FER1L6: variants seen among roughly 807,000 people sequenced by gnomAD.
FER1L6 encodes fer-1 like family member 6.
Under a neutral mutation model 219.2 loss-of-function variants are expected in FER1L6, and 177 were observed. That is an observed-to-expected ratio of 0.81 (90% CI 0.71 to 0.91). The LOEUF (loss-of-function observed/expected upper bound fraction) is 0.91, where lower values mean the gene tolerates loss of function less well. FER1L6 is among the 40% of genes least tolerant of loss of function. The pLI, the probability that FER1L6 is intolerant of heterozygous loss-of-function variation, is 0.00. For synonymous variants in FER1L6, 768 were observed against 824.3 expected (o/e 0.93, Z 1.17); for missense variants, 2,153 against 2,259.9 (o/e 0.95, Z 0.96).
intron 10 of FER1L6, among the ~76,000 whole-genome samples, chr8:123,978,177 G>A (rs1816177127): frequency 6.6e-6 from 1 of 152,198 alleles, no homozygotes; most frequent in African/African-American, 2.4e-5. Context: ...GAGGAAGTCA[G>A]TCTTCCCATA....
intron 1 of FER1L6, among the ~76,000 whole-genome samples, chr8:123,926,437 G>A (rs909391594): frequency 5.9e-5 from 9 of 152,194 alleles, no homozygotes; most frequent in African/African-American, 2.2e-4. Flanking sequence ...AGTGTGCATA[G>A]GGGAAAGGTT....
At chr8:123,980,318 A>G (rs781113572) in intron 10 of FER1L6, 147 bp from the exon 11 acceptor site, 3 of 673,866 alleles carry the variant, frequency 4.5e-6, no homozygotes, top group Non-Finnish European at 7.5e-6. Context: ...AAATATGGCA[A>G]GATGGCAATC....
chr8:123,978,015 G>T (rs927977807), intron 10 of FER1L6, among the ~76,000 whole-genome samples: 1 of 152,108 alleles, frequency 6.6e-6, no homozygotes, highest in African/African-American at 2.4e-5. Context: ...GGAGCCCCTG[G>T]GTTAGAGCAC....
At chr8:124,075,653 G>A (rs909399843) in intron 31 of FER1L6, among the ~76,000 whole-genome samples, 1 of 152,066 alleles carries the variant, frequency 6.6e-6, no homozygotes, top group Non-Finnish European at 1.5e-5. Flanking sequence ...ACTTTTATAT[G>A]ACTGTTAGCA....
chr8:123,856,692 G>T (rs1434201001), intron 1 of FER1L6, among the ~76,000 whole-genome samples: 1 of 151,766 alleles, frequency 6.6e-6, no homozygotes, highest in Non-Finnish European at 1.5e-5. Context: ...AACTGCTTCT[G>T]TCTGCTTGGA....
At chr8:123,947,209 C>G (rs1487098908) in intron 1 of FER1L6, among the ~76,000 whole-genome samples, 3 of 151,090 alleles carry the variant, frequency 2.0e-5, no homozygotes, top group Non-Finnish European at 4.4e-5. Context: ...TCACTTGAAC[C>G]TGGGAGGTGG....
chr8:124,074,320 T>A (rs1821191438), intron 31 of FER1L6, among the ~76,000 whole-genome samples: 2 of 152,170 alleles, frequency 1.3e-5, no homozygotes, highest in Non-Finnish European at 2.9e-5. Context: ...TACAGATAGA[T>A]CTCAGAGAGA....
intron 15 of FER1L6, among the ~76,000 whole-genome samples, chr8:124,017,201 A>T (rs1818239445): frequency 6.6e-6 from 1 of 152,204 alleles, no homozygotes; most frequent in East Asian, 1.9e-4. Context: ...AAAAAATGTT[A>T]CTACTCAGTC....
intron 32 of FER1L6, among the ~76,000 whole-genome samples, chr8:124,079,889 C>A (rs771816495): frequency 2.0e-5 from 3 of 152,124 alleles, no homozygotes; most frequent in Non-Finnish European, 4.4e-5. Flanking sequence ...AAAGAGTCAT[C>A]CCTGTGAAAC....
chr8:123,971,938 G>A (rs1478232594), intron 6 of FER1L6, among the ~76,000 whole-genome samples: 3 of 152,206 alleles, frequency 2.0e-5, no homozygotes, highest in Admixed American at 2.0e-4. Flanking sequence ...CCACTGGATG[G>A]ATGACTTTAA....
chr8:123,878,344 G>A (rs755500175), intron 1 of FER1L6, among the ~76,000 whole-genome samples: 72 of 152,266 alleles, frequency 4.7e-4, no homozygotes, highest in African/African-American at 1.6e-3. Flanking sequence ...AGTCAAAGTC[G>A]TAAGGAGAGG....
chr8:124,089,510 T>G (rs894121809), intron 33 of FER1L6, among the ~76,000 whole-genome samples: 9 of 152,242 alleles, frequency 5.9e-5, no homozygotes, highest in African/African-American at 2.2e-4. Flanking sequence ...ATAATTTCAA[T>G]TTGGTGTTCC....
At chr8:123,906,850 T>C (rs1812963112) in intron 1 of FER1L6, among the ~76,000 whole-genome samples, 1 of 151,994 alleles carries the variant, frequency 6.6e-6, no homozygotes, top group Non-Finnish European at 1.5e-5. Context: ...TGAAGACCTT[T>C]TAACCCCCCC....
At chr8:123,983,823 T>A (rs1816430923) in intron 11 of FER1L6, among the ~76,000 whole-genome samples, 1 of 152,252 alleles carries the variant, frequency 6.6e-6, no homozygotes, top group Non-Finnish European at 1.5e-5. Context: ...CAATAAATCT[T>A]AGTTATGCTT....
intron 21 of FER1L6, among the ~76,000 whole-genome samples, chr8:124,049,300 C>A (rs1482883827): frequency 6.6e-6 from 1 of 152,116 alleles, no homozygotes. Flanking sequence ...CCTGCCACGG[C>A]CTTCTAAAGT....
chr8:123,963,458 A>G, intron 3 of FER1L6, 60 bp downstream of exon 3: 1 of 1,586,512 alleles, frequency 6.3e-7, no homozygotes, highest in East Asian at 2.2e-5. Context: ...TGTGCCAAGC[A>G]CCTCTACAGG....
In FER1L6 at chr8:124,111,614, T is replaced by C. The variant is rs970385052; in HGVS notation, c.5290-7230T>C. On this transcript the variant is annotated intron_variant, in intron 39 of 40. Coordinates refer to ENST00000522917, the MANE Select transcript of FER1L6 (RefSeq NM_001039112.2). This position sits in a 1 kb window ranked among gnomAD's most constrained non-coding sequence, Gnocchi z 5.0. ...TTTTTATGGTTATTTCTTGATGATATGCTAAACAGGGGTGGATTCATGCCT... is the reference window on the plus strand; with the variant it reads ...TTTTTATGGTTATTTCTTGATGATACGCTAAACAGGGGTGGATTCATGCCT... 1.3e-5 allele frequency among the ~76,000 whole-genome samples: 2 copies of C among 152,206 alleles called. No homozygotes were observed. The highest frequency in any genetic ancestry group is 4.8e-5 in the African/African-American group (2 of 41,444).
intron 16 of FER1L6, among the ~76,000 whole-genome samples, chr8:124,019,949 A>G (rs2130621822): frequency 6.6e-6 from 1 of 152,196 alleles, no homozygotes; most frequent in East Asian, 1.9e-4. Context: ...CATTTGAGCA[A>G]GAGGAAACAC....
intron 22 of FER1L6, among the ~76,000 whole-genome samples, chr8:124,053,852 C>T (rs554145443): frequency 1.3e-5 from 2 of 152,220 alleles, no homozygotes; most frequent in African/African-American, 4.8e-5. Flanking sequence ...GAGCAAGAGA[C>T]CCTGTCTCAA....
Sources: allele counts gnomAD v4.1 joint callset (sites outside exome capture counted in the v4.1 genomes callset), GRCh38; gene constraint gnomAD v4.1.1; non-coding constraint Gnocchi (gnomAD v3.1); transcripts MANE v1.5; gene names NCBI Gene and HGNC (gene_info 2026-07-23, HGNC 2026-07-21).